The following IL23R variants were observed in gnomAD, a reference collection of about 807,000 sequenced individuals.
IL23R encodes the protein interleukin 23 receptor, also known as interleukin-23 receptor.
IL23R carries 34 observed loss-of-function variants against 56.9 expected under a neutral mutation model. The ratio of observed to expected loss-of-function variants is 0.60; its 90% CI spans 0.45 to 0.80. The LOEUF (loss-of-function observed/expected upper bound fraction) is 0.80, where lower values mean the gene tolerates loss of function less well. Ranked by LOEUF, IL23R falls within the 30% of genes least tolerant of loss-of-function variation. The pLI is 0.00. For missense variants in IL23R, 635 were observed against 730.0 expected (o/e 0.87, Z 1.50); for synonymous variants, 230 against 249.2 (o/e 0.92, Z 0.73).
At chr1:67,241,339 T>C (rs2100332693) in intron 9 of IL23R, among the ~76,000 whole-genome samples, 1 of 152,330 alleles carries the variant, frequency 6.6e-6, no homozygotes, top group South Asian at 2.1e-4. Flanking sequence ...AAACAAAACC[T>C]GGTCTGTTCT....
chr1:67,207,165 T>A (rs768681854), intron 6 of IL23R, 110 bp downstream of exon 6: 3 of 1,186,046 alleles, frequency 2.5e-6, no homozygotes, highest in Non-Finnish European at 3.7e-6. Context: ...TTAATCTGAT[T>A]GTTTGCATGA....
At chr1:67,260,569 T>C (rs1653172275), downstream of IL23R, among the ~76,000 whole-genome samples, 2 of 151,966 alleles carry the variant, frequency 1.3e-5, no homozygotes, top group Admixed American at 6.6e-5. Flanking sequence ...CCACAATCCA[T>C]AAGGACTGGA....
intron 3 of IL23R, among the ~76,000 whole-genome samples, chr1:67,171,413 TAGTGATATGGGCTGGCTTGTATA>T (rs1646942518): frequency 6.6e-6 from 1 of 152,204 alleles, no homozygotes; most frequent in African/African-American, 2.4e-5. Flanking sequence ...TAAGTTACTA[TAGTGATATGGGCTGGCTTGTATA>T]ATTATATACT....
rs369890200 is a variant in IL23R at position 67,144,136 on chromosome 1, A to G, written c.-634+4975A>G. The stretch of plus-strand genomic sequence containing the variant: ...AGTTGATGGTGAAGCTACTGTTACT[A>G]TATTGTGGGTTTTCAGAATGATTCT... On this transcript the variant is annotated intron_variant, in intron 1 of 10. Transcript: ENST00000637002. 8.7e-4 allele frequency among the ~76,000 whole-genome samples: 132 copies of G among 152,304 alleles called. No individual in the cohort carries two copies. In the South Asian group the frequency reaches 0.013, roughly 15 times the overall value.
chr1:67,188,797 T>C (rs1312833656), intron 4 of IL23R, among the ~76,000 whole-genome samples: 1 of 152,110 alleles, frequency 6.6e-6, no homozygotes, highest in Non-Finnish European at 1.5e-5. Context: ...TTCAACCTCT[T>C]TTATAGGGGC....
chr1:67,201,082 G>A (rs947170355), intron 5 of IL23R, among the ~76,000 whole-genome samples, 185 bp downstream of exon 5: 5 of 151,696 alleles, frequency 3.3e-5, no homozygotes, highest in African/African-American at 1.2e-4. Flanking sequence ...CTGCCATTTT[G>A]TTGTATATCC....
chr1:67,164,618 C>A (rs1181725934), upstream of IL23R, among the ~76,000 whole-genome samples: 1 of 140,768 alleles, frequency 7.1e-6, no homozygotes, highest in Non-Finnish European at 1.6e-5. Flanking sequence ...GGCAACAGAG[C>A]AAAACTCTGT....
At position 67,244,857 on chromosome 1, in the gene IL23R, T is replaced by G. The variant is rs1021632202; in HGVS notation, c.1148+4576T>G. On this transcript the variant is annotated intron_variant, in intron 9 of 10. Coordinates refer to ENST00000347310, the MANE Select transcript of IL23R (RefSeq NM_144701.3). ...TTTCCAATTCTGTGAAGAAAGTCAA[T>G]GGTAGCTTGATGGGGATAGCATTGA... Among the ~76,000 whole-genome samples the G allele has an allele frequency of 7.9e-5, 12 of 152,328 alleles. No homozygotes were observed. The South Asian group carries it at 1.9e-3, about 24-fold the overall frequency.
At chr1:67,257,689 A>G (rs1171306164) in intron 10 of IL23R, among the ~76,000 whole-genome samples, 5 of 152,028 alleles carry the variant, frequency 3.3e-5, no homozygotes. Context: ...AATTGTGAGT[A>G]GCTTTATTTA....
intron 5 of IL23R, 120 bp downstream of exon 5, chr1:67,201,017 C>G: frequency 2.0e-6 from 2 of 993,462 alleles, no homozygotes; most frequent in Non-Finnish European, 1.5e-6. Context: ...ATAAAAGAAA[C>G]AGAAATTACC....
chr1:67,153,477 G>A (rs763395194), intron 1 of IL23R, among the ~76,000 whole-genome samples: 30 of 151,746 alleles, frequency 2.0e-4, no homozygotes, highest in Non-Finnish European at 3.7e-4. Context: ...GTTATTTCTC[G>A]TCTTCTGCTA....
chr1:67,228,106 C>CTTTCTT (rs1650830431), intron 7 of IL23R, among the ~76,000 whole-genome samples: 1 of 45,892 alleles, frequency 2.2e-5, no homozygotes, highest in African/African-American at 8.4e-5. Flanking sequence ...TTCTTTCTTT[C>CTTTCTT]TCTCTCTTTC....
At position 67,228,117 on chromosome 1, in the gene IL23R, TTTCTTTCTTTCC is replaced by T. The variant is rs1650837613; in HGVS notation, c.955+8399_955+8410del. On this transcript the variant is annotated intron_variant, in intron 7 of 10. Transcript: ENST00000347310. ...TTCTTTCTTTCTTTCTCTCTCTTTC[TTTCTTTCTTTCC>T]TTCTTTCTTTCTGTCTTTCTTTTTC... 2.9e-5 allele frequency among the ~76,000 whole-genome samples: 4 copies of T among 138,936 alleles called. 1 individual carries two copies. The highest frequency in any genetic ancestry group is 3.1e-5 in the Non-Finnish European group (2 of 64,044). 91.1% of individuals were successfully genotyped at this position (138,936 alleles called of 152,430 possible).
At chr1:67,193,299 C>G (rs1647884434) in intron 4 of IL23R, among the ~76,000 whole-genome samples, 1 of 152,188 alleles carries the variant, frequency 6.6e-6, no homozygotes, top group Non-Finnish European at 1.5e-5. Flanking sequence ...TTCTTCTGAA[C>G]ATTTCTCACC....
At chr1:67,239,353 T>A (rs942153982) in intron 8 of IL23R, among the ~76,000 whole-genome samples, 7 of 152,178 alleles carry the variant, frequency 4.6e-5, no homozygotes, top group Non-Finnish European at 1.0e-4. Flanking sequence ...AACCTCCACC[T>A]CCCAGGCTCA....
chr1:67,193,120 G>A (rs72676067), intron 4 of IL23R, among the ~76,000 whole-genome samples: 45,157 of 151,974 alleles, frequency 0.3, 7,091 homozygotes, highest in Admixed American at 0.43. Context: ...CCTGCCTCAG[G>A]GCCTTTGCAT....
At chr1:67,139,995 C>T (rs961787893) in intron 1 of IL23R, among the ~76,000 whole-genome samples, 13 of 152,118 alleles carry the variant, frequency 8.5e-5, no homozygotes, top group Non-Finnish European at 1.5e-5. Flanking sequence ...AAGCATAACC[C>T]CCTCACCATG....
At chr1:67,224,840 A>C (rs1182864510) in intron 7 of IL23R, among the ~76,000 whole-genome samples, 2 of 152,206 alleles carry the variant, frequency 1.3e-5, no homozygotes, top group Non-Finnish European at 2.9e-5. Context: ...AATAATAGCT[A>C]ACATTTATTG....
intron 3 of IL23R, 98 bp downstream of exon 3, chr1:67,169,736 G>C (rs1235351676): frequency 8.5e-7 from 1 of 1,171,368 alleles, no homozygotes; most frequent in Non-Finnish European, 1.3e-6. Flanking sequence ...AAATAATATA[G>C]TTCAGTTTTT....
Sources: allele counts gnomAD v4.1 joint callset (sites outside exome capture counted in the v4.1 genomes callset), GRCh38; gene constraint gnomAD v4.1.1; transcripts MANE v1.5; gene names NCBI Gene and HGNC (gene_info 2026-07-23, HGNC 2026-07-21).